PIP5K1C: variants seen among roughly 807,000 people sequenced by gnomAD.
The protein encoded by PIP5K1C is phosphatidylinositol-4-phosphate 5-kinase type 1 gamma, also known as phosphatidylinositol 4-phosphate 5-kinase type-1 gamma.
PIP5K1C carries 45 observed loss-of-function variants against 80.1 expected under a neutral mutation model. The ratio of observed to expected loss-of-function variants is 0.56; its 90% CI spans 0.44 to 0.72. The LOEUF is 0.72. PIP5K1C is among the 30% of genes least tolerant of loss of function. The pLI is 0.00. For synonymous variants in PIP5K1C, 498 were observed against 420.1 expected, an observed-to-expected ratio of 1.19 and a Z score of -2.27; for missense variants, 753 against 954.6, an observed-to-expected ratio of 0.79 and a Z score of 2.78.
chr19:3,679,160 G>C (rs979396222), intron 1 of PIP5K1C, among the ~76,000 whole-genome samples: 1 of 152,048 alleles, frequency 6.6e-6, no homozygotes, highest in African/African-American at 2.4e-5. Flanking sequence ...TCTTTACCTT[G>C]GACACAGGTG....
chr19:3,635,180 C>T (rs1362034042), intron 16 of PIP5K1C, among the ~76,000 whole-genome samples: 1 of 152,274 alleles, frequency 6.6e-6, no homozygotes, highest in Admixed American at 6.5e-5. Context: ...CAGAGCCGCT[C>T]TCTGGGAGGG....
At chr19:3,651,614 C>T (rs1375649475) in intron 8 of PIP5K1C, among the ~76,000 whole-genome samples, 1 of 152,252 alleles carries the variant, frequency 6.6e-6, no homozygotes, top group African/African-American at 2.4e-5. Flanking sequence ...CCATTGCAAG[C>T]CAAGGCCCGG....
intron 1 of PIP5K1C, among the ~76,000 whole-genome samples, chr19:3,685,579 A>C (rs2035734890): frequency 1.3e-5 from 2 of 151,970 alleles, no homozygotes; most frequent in East Asian, 1.9e-4. Flanking sequence ...AAATACAAAA[A>C]ATTAGCCGGG....
At chr19:3,686,596 T>C (rs960245747) in intron 1 of PIP5K1C, among the ~76,000 whole-genome samples, 2 of 151,626 alleles carry the variant, frequency 1.3e-5, no homozygotes, top group African/African-American at 4.9e-5. Context: ...CGGGCGCCTG[T>C]AATCCCAGCT....
chr19:3,672,355 C>T (rs962941139), intron 1 of PIP5K1C, among the ~76,000 whole-genome samples: 2 of 152,242 alleles, frequency 1.3e-5, no homozygotes, highest in Admixed American at 6.5e-5. Context: ...CCACTGACAC[C>T]GCCCCATCCT....
Position 3,638,832 on chromosome 19 carries a change from G to C in PIP5K1C, c.1920+52C>G, listed in dbSNP as rs959719830. The C allele has an allele frequency of 8.7e-6, 14 of 1,607,980 alleles. No individual in the cohort carries two copies. The Admixed American group carries it at 2.3e-4, about 27-fold the overall frequency. On this transcript the variant is annotated intron_variant, in intron 16 of 17. Transcript: ENST00000335312. Reference sequence around the variant, plus strand: ...GGTGTGCACACGGTGGAGCGTGTGTGAGAGAGAGTCCGGTTGACGAGCCGG... The same window carrying C: ...GGTGTGCACACGGTGGAGCGTGTGTCAGAGAGAGTCCGGTTGACGAGCCGG...
intron 13 of PIP5K1C, 102 bp from the exon 14 acceptor site, chr19:3,643,041 C>T (rs1248383383): frequency 6.7e-7 from 1 of 1,490,130 alleles, no homozygotes; most frequent in East Asian, 2.3e-5. Context: ...CCCTGGCAGC[C>T]CTGCCCACCT....
intron 1 of PIP5K1C, among the ~76,000 whole-genome samples, 186 bp from the exon 2 acceptor site, chr19:3,667,539 G>A (rs1484556607): frequency 2.0e-5 from 3 of 152,220 alleles, no homozygotes; most frequent in Non-Finnish European, 4.4e-5. Context: ...ATGAGGGTGG[G>A]GGCCACTGGG....
chr19:3,669,832 C>T (rs1356078770), intron 1 of PIP5K1C: 1 of 152,394 alleles, frequency 6.6e-6, no homozygotes, highest in Admixed American at 6.5e-5. Context: ...AACACGTCCA[C>T]CGCGGGCACT....
chr19:3,687,504 C>CATGCACACGCACACAT (rs1301689902), intron 1 of PIP5K1C, among the ~76,000 whole-genome samples: 1 of 150,468 alleles, frequency 6.6e-6, no homozygotes, highest in African/African-American at 2.5e-5. Context: ...TACACGCACA[C>CATGCACACGCACACAT]ATGCACATAC....
chr19:3,660,521 T>C (rs886203980), intron 5 of PIP5K1C, among the ~76,000 whole-genome samples: 1 of 152,144 alleles, frequency 6.6e-6, no homozygotes, highest in Non-Finnish European at 1.5e-5. Flanking sequence ...TTTGCTAACC[T>C]GAAACAATAA....
At chr19:3,680,918 C>T (rs184749656) in intron 1 of PIP5K1C, among the ~76,000 whole-genome samples, 24 of 152,264 alleles carry the variant, frequency 1.6e-4, no homozygotes, top group African/African-American at 4.6e-4. Flanking sequence ...ACTAAGGGTG[C>T]TCCTGGCATA....
chr19:3,653,999 C>T (rs2034538810), intron 6 of PIP5K1C, among the ~76,000 whole-genome samples: 1 of 152,212 alleles, frequency 6.6e-6, no homozygotes, highest in African/African-American at 2.4e-5. Context: ...CACACACACG[C>T]ACACACACAT....
At chr19:3,681,751 C>T (rs564315920) in intron 1 of PIP5K1C, among the ~76,000 whole-genome samples, 6 of 151,976 alleles carry the variant, frequency 3.9e-5, no homozygotes, top group South Asian at 4.2e-4. Flanking sequence ...GAAGGGCAAA[C>T]GGCAGCCCCA....
chr19:3,685,511 AC>A (rs2035732090), intron 1 of PIP5K1C, among the ~76,000 whole-genome samples: 1 of 152,152 alleles, frequency 6.6e-6, no homozygotes, highest in Non-Finnish European at 1.5e-5. Flanking sequence ...CGGGCGGATC[AC>A]GAGGTCAGGA....
In PIP5K1C at chr19:3,676,735, G is replaced by A. The variant is rs144749491; in HGVS notation, c.95-9382C>T. Among the ~76,000 whole-genome samples the A allele has an allele frequency of 4.3e-4, 66 of 152,234 alleles. No homozygotes were observed. The East Asian group carries it at 7.7e-3, about 18-fold the overall frequency. On this transcript the variant is annotated intron_variant, in intron 1 of 17. Transcript: ENST00000335312. ...CTCCGAATCCAGAAAAACCTTCAACGAAATTCAACATGAATTTCACGTCCC... is the reference window on the plus strand; with the variant it reads ...CTCCGAATCCAGAAAAACCTTCAACAAAATTCAACATGAATTTCACGTCCC...
rs771566116 is a variant in PIP5K1C, at chr19:3,643,199, A to G, written c.1649+44T>C. 3 of 1,609,490 alleles carry G rather than the reference A, an allele frequency of 1.9e-6. No individual in the cohort carries two copies. The Admixed American group carries it at 5.0e-5, about 27-fold the overall frequency. ...TGCAGTGAATGCCCCGCCCCCACGCACAGCGGATGCCCCGCCCACATGCAC... is the reference window on the plus strand; with the variant it reads ...TGCAGTGAATGCCCCGCCCCCACGCGCAGCGGATGCCCCGCCCACATGCAC... On this transcript the variant is annotated intron_variant, in intron 13 of 17. Coordinates refer to ENST00000335312, the MANE Select transcript of PIP5K1C (RefSeq NM_012398.3).
intron 6 of PIP5K1C, among the ~76,000 whole-genome samples, chr19:3,654,531 A>C (rs2034554806): frequency 6.6e-6 from 1 of 152,352 alleles, no homozygotes; most frequent in Admixed American, 6.5e-5. Flanking sequence ...AAAAAGTGGA[A>C]AGGGCCCAGT....
intron 1 of PIP5K1C, among the ~76,000 whole-genome samples, chr19:3,682,805 A>C (rs1264693469): frequency 6.6e-6 from 1 of 152,192 alleles, no homozygotes; most frequent in African/African-American, 2.4e-5. Flanking sequence ...CCACAGCCTC[A>C]TGAGAGACCC....
Sources: allele counts gnomAD v4.1 joint callset (sites outside exome capture counted in the v4.1 genomes callset), GRCh38; gene constraint gnomAD v4.1.1; transcripts MANE v1.5; gene names NCBI Gene and HGNC (gene_info 2026-07-23, HGNC 2026-07-21).